LRRC4C: variants seen among roughly 807,000 people sequenced by gnomAD.
The protein encoded by LRRC4C is leucine rich repeat containing 4C.
Under a neutral mutation model 33.6 loss-of-function variants are expected in LRRC4C, and 5 were observed. That is an observed-to-expected ratio of 0.15 (90% CI 0.08 to 0.31). The LOEUF (loss-of-function observed/expected upper bound fraction) is 0.31. Ranked by LOEUF, LRRC4C falls within the 10% of genes least tolerant of loss-of-function variation. LRRC4C has a pLI of 1.00. For missense variants in LRRC4C, 560 were observed against 796.7 expected, an observed-to-expected ratio of 0.70 and a Z score of 3.58; for synonymous variants, 329 against 302.0, an observed-to-expected ratio of 1.09 and a Z score of -0.93.
At chr11:40,201,408 C>G (rs899658034) in intron 5 of LRRC4C, among the ~76,000 whole-genome samples, 1 of 152,100 alleles carries the variant, frequency 6.6e-6, no homozygotes, top group Admixed American at 6.5e-5. Context: ...GGAAATGCAT[C>G]ATTGTTACTA....
At chr11:41,143,200 A>G (rs1175010586) in intron 1 of LRRC4C, among the ~76,000 whole-genome samples, 2 of 148,656 alleles carry the variant, frequency 1.3e-5, no homozygotes, top group Non-Finnish European at 3.0e-5. Flanking sequence ...CTGAAATTTG[A>G]CAAAAATATG....
At chr11:40,647,280 T>A (rs1942525518) in intron 3 of LRRC4C, among the ~76,000 whole-genome samples, 2 of 152,316 alleles carry the variant, frequency 1.3e-5, no homozygotes, top group Middle Eastern at 6.8e-3. Flanking sequence ...CAAAAATAAT[T>A]CAAGTATTTG....
intron 1 of LRRC4C, among the ~76,000 whole-genome samples, chr11:41,212,018 A>G (rs544909084): frequency 4.9e-4 from 75 of 152,240 alleles, no homozygotes; most frequent in Admixed American, 7.9e-4. Flanking sequence ...TTAATGATCG[A>G]GGCCAACTAA....
intron 2 of LRRC4C, among the ~76,000 whole-genome samples, chr11:40,911,210 G>T (rs957610662): frequency 6.6e-6 from 1 of 152,176 alleles, no homozygotes; most frequent in Non-Finnish European, 1.5e-5. Flanking sequence ...GATTCTCCCA[G>T]CACGCAGCTT....
At chr11:40,132,147 A>C (rs1429279310) in intron 6 of LRRC4C, among the ~76,000 whole-genome samples, 1 of 152,206 alleles carries the variant, frequency 6.6e-6, no homozygotes, top group African/African-American at 2.4e-5. Context: ...GAAGTGCTTG[A>C]AAGGTCTGTT....
intron 1 of LRRC4C, among the ~76,000 whole-genome samples, chr11:41,086,429 G>T (rs1007840937): frequency 6.6e-6 from 1 of 151,836 alleles, no homozygotes; most frequent in African/African-American, 2.4e-5. Context: ...GGGATTTATT[G>T]GTGCAAAAAT....
chr11:41,275,208 T>C (rs192849884), intron 1 of LRRC4C, among the ~76,000 whole-genome samples: 8 of 152,258 alleles, frequency 5.3e-5, no homozygotes, highest in Admixed American at 2.0e-4. Context: ...CCTACAGAAC[T>C]TGAGCCAGAT....
intron 5 of LRRC4C, among the ~76,000 whole-genome samples, chr11:40,239,017 C>A (rs1174903977): frequency 6.6e-6 from 1 of 152,166 alleles, no homozygotes; most frequent in Non-Finnish European, 1.5e-5. Flanking sequence ...CAACATGGTA[C>A]TACTTAAATT....
chr11:40,715,311 A>C (rs1166141132), intron 2 of LRRC4C, among the ~76,000 whole-genome samples: 1 of 152,236 alleles, frequency 6.6e-6, no homozygotes, highest in Non-Finnish European at 1.5e-5. Context: ...TTCACTAGTA[A>C]TCAGGAAATT....
chr11:40,217,284 T>C (rs942401385), intron 5 of LRRC4C, among the ~76,000 whole-genome samples: 16 of 152,134 alleles, frequency 1.1e-4, no homozygotes, highest in Non-Finnish European at 1.5e-5. Context: ...CTCAAGTTTA[T>C]AGCTAAGGAA....
At chr11:40,588,063 C>T (rs2078881291) in intron 3 of LRRC4C, among the ~76,000 whole-genome samples, 1 of 151,886 alleles carries the variant, frequency 6.6e-6, no homozygotes, top group East Asian at 1.9e-4. Flanking sequence ...ACCAGTTCCT[C>T]CTTGTACCTC....
intron 2 of LRRC4C, among the ~76,000 whole-genome samples, chr11:40,775,282 C>T (rs1051955103): frequency 2.8e-4 from 42 of 151,930 alleles, no homozygotes; most frequent in Admixed American, 9.2e-4. Flanking sequence ...TGGTGGCTGG[C>T]GCCTGTAGTC....
chr11:41,147,347 G>T (rs564747090), intron 1 of LRRC4C, among the ~76,000 whole-genome samples: 1 of 152,018 alleles, frequency 6.6e-6, no homozygotes, highest in South Asian at 2.1e-4. Context: ...TTATCACCTC[G>T]GTGAGGAAGT....
chr11:40,982,049 C>T (rs1852582859), intron 1 of LRRC4C, among the ~76,000 whole-genome samples: 1 of 152,084 alleles, frequency 6.6e-6, no homozygotes. Context: ...TTAAATTCCC[C>T]ATGACTAACT....
intron 3 of LRRC4C, among the ~76,000 whole-genome samples, chr11:40,499,165 G>A (rs913617001): frequency 1.9e-4 from 29 of 152,160 alleles, no homozygotes; most frequent in Non-Finnish European, 1.9e-4. Context: ...TGAGATGTCA[G>A]CCTTGGCAGA....
At chr11:41,254,129 C>A (rs1235135007) in intron 1 of LRRC4C, among the ~76,000 whole-genome samples, 1 of 151,912 alleles carries the variant, frequency 6.6e-6, no homozygotes, top group Non-Finnish European at 1.5e-5. Context: ...TGAATTTATT[C>A]ATCCTTTTTA....
intron 1 of LRRC4C, among the ~76,000 whole-genome samples, chr11:41,296,720 AT>A (rs938039890): frequency 4.0e-5 from 6 of 151,048 alleles, no homozygotes; most frequent in Non-Finnish European, 5.9e-5. Flanking sequence ...ATTCCTTAGC[AT>A]TTTTTTTTCT....
At chr11:40,787,229 G>A (rs950489784) in intron 2 of LRRC4C, among the ~76,000 whole-genome samples, 2 of 151,242 alleles carry the variant, frequency 1.3e-5, no homozygotes, top group African/African-American at 4.9e-5. Flanking sequence ...TGGTAAAATT[G>A]TCTGTCACAC....
At chr11:40,387,188 G>A (rs1949145345) in intron 3 of LRRC4C, among the ~76,000 whole-genome samples, 1 of 151,758 alleles carries the variant, frequency 6.6e-6, no homozygotes, top group South Asian at 2.1e-4. Flanking sequence ...TTTCATATCA[G>A]TTTATATATA....
Sources: allele counts gnomAD v4.1 joint callset (sites outside exome capture counted in the v4.1 genomes callset), GRCh38; gene constraint gnomAD v4.1.1; transcripts MANE v1.5; gene names NCBI Gene and HGNC (gene_info 2026-07-23, HGNC 2026-07-21).